Variants in ELMO1 observed in about 807,000 individuals in gnomAD.
ELMO1 encodes engulfment and cell motility protein 1.
In ELMO1, 26 loss-of-function variants were observed where a neutral mutation model predicts 98.9. The observed-to-expected ratio is 0.26, with a 90% CI of 0.19 to 0.36. ELMO1 has a LOEUF of 0.36. ELMO1 is among the 10% of genes least tolerant of loss of function. The pLI is 1.00. For missense variants in ELMO1, 627 were observed against 935.2 expected (o/e 0.67, Z 4.30); for synonymous variants, 346 against 346.0 (o/e 1.00, Z 0.00).
chr7:37,080,992 GCATTTTTCTC>G (rs888300077), intron 15 of ELMO1, among the ~76,000 whole-genome samples: 1 of 152,006 alleles, frequency 6.6e-6, no homozygotes, highest in Non-Finnish European at 1.5e-5. Context: ...CTTTTCTGCT[GCATTTTTCTC>G]CATTTTTCAC....
chr7:37,289,509 G>C (rs915386924), intron 4 of ELMO1, among the ~76,000 whole-genome samples: 1 of 152,194 alleles, frequency 6.6e-6, no homozygotes, highest in Non-Finnish European at 1.5e-5. Flanking sequence ...CTGAAGCAAA[G>C]TTACAAACAG....
At chr7:36,930,115 T>C (rs1785916676) in intron 16 of ELMO1, among the ~76,000 whole-genome samples, 1 of 152,182 alleles carries the variant, frequency 6.6e-6, no homozygotes, top group South Asian at 2.1e-4. Context: ...TCATTGCCTA[T>C]ATAAAATGCA....
At chr7:36,876,768 C>T (rs1804019332) in intron 19 of ELMO1, among the ~76,000 whole-genome samples, 1 of 152,156 alleles carries the variant, frequency 6.6e-6, no homozygotes, top group Non-Finnish European at 1.5e-5. Flanking sequence ...CCAGGACACC[C>T]CTAACTCCTG....
chr7:37,285,206 C>T (rs1431399259), intron 4 of ELMO1, among the ~76,000 whole-genome samples: 2 of 152,338 alleles, frequency 1.3e-5, no homozygotes, highest in Admixed American at 1.3e-4. Context: ...CGCTCTTGGT[C>T]TTTAGTTCCT....
intron 15 of ELMO1, among the ~76,000 whole-genome samples, chr7:37,061,941 G>A (rs1796688263): frequency 6.6e-6 from 1 of 152,090 alleles, no homozygotes; most frequent in African/African-American, 2.4e-5. Flanking sequence ...CACACTGAAA[G>A]GCAACTCGTG....
At chr7:37,006,071 C>T (rs1203755705) in intron 16 of ELMO1, among the ~76,000 whole-genome samples, 1 of 152,168 alleles carries the variant, frequency 6.6e-6, no homozygotes, top group Non-Finnish European at 1.5e-5. Context: ...ATGTACTGTC[C>T]CCAGCCCCCT....
intron 13 of ELMO1, among the ~76,000 whole-genome samples, chr7:37,157,656 AG>A (rs1446613323): frequency 6.6e-6 from 1 of 152,176 alleles, no homozygotes; most frequent in Non-Finnish European, 1.5e-5. Flanking sequence ...ACAAAATAAA[AG>A]AGGACAGAAA....
chr7:37,058,813 T>C (rs963589246), intron 15 of ELMO1, among the ~76,000 whole-genome samples: 3 of 152,154 alleles, frequency 2.0e-5, no homozygotes, highest in Admixed American at 1.3e-4. Flanking sequence ...TCCTCAAAGA[T>C]TGTGAAATGT....
At chr7:37,086,741 T>TC (rs1783802947) in intron 15 of ELMO1, among the ~76,000 whole-genome samples, 1 of 66,826 alleles carries the variant, frequency 1.5e-5, no homozygotes, top group Non-Finnish European at 2.4e-5. Context: ...AGATCCTGTC[T>TC]CCAAAAAAAA....
chr7:37,073,828 G>A (rs7805102), intron 15 of ELMO1, among the ~76,000 whole-genome samples: 11,812 of 151,362 alleles, frequency 0.078, 655 homozygotes, highest in African/African-American at 0.16. Context: ...GAGACCCTCC[G>A]GCTTTGGCCT....
At chr7:37,030,009 A>T (rs1375437936) in intron 15 of ELMO1, among the ~76,000 whole-genome samples, 4 of 152,184 alleles carry the variant, frequency 2.6e-5, no homozygotes, top group Admixed American at 2.0e-4. Flanking sequence ...TCAGGTGGCT[A>T]TAATCCAATC....
chr7:36,861,088 T>C (rs1802593265), intron 21 of ELMO1, among the ~76,000 whole-genome samples: 1 of 152,238 alleles, frequency 6.6e-6, no homozygotes, highest in South Asian at 2.1e-4. Context: ...ACTGCTACTT[T>C]ATCTTACAAA....
intron 16 of ELMO1, among the ~76,000 whole-genome samples, chr7:36,958,205 C>T (rs1395310158): frequency 6.6e-6 from 1 of 152,012 alleles, no homozygotes; most frequent in Non-Finnish European, 1.5e-5. Flanking sequence ...TCCCCAGTAC[C>T]TCTTCTCTCT....
intron 16 of ELMO1, among the ~76,000 whole-genome samples, chr7:36,900,736 A>C (rs1226919266): frequency 6.6e-6 from 1 of 152,170 alleles, no homozygotes; most frequent in Admixed American, 6.5e-5. Context: ...GTGTCCATTA[A>C]ATTGATTTAT....
intron 1 of ELMO1, among the ~76,000 whole-genome samples, chr7:37,358,995 G>A (rs1328319774): frequency 6.6e-6 from 1 of 152,166 alleles, no homozygotes; most frequent in Non-Finnish European, 1.5e-5. Flanking sequence ...GGGAGAAGCT[G>A]GAGTCATTGA....
At chr7:36,881,380 C>T (rs3778710) in intron 18 of ELMO1, among the ~76,000 whole-genome samples, 8,440 of 152,188 alleles carry the variant, frequency 0.055, 476 homozygotes, top group East Asian at 0.24. Flanking sequence ...GTTTCTTTTA[C>T]GGCAAGACAA....
intron 13 of ELMO1, among the ~76,000 whole-genome samples, chr7:37,137,599 G>T (rs563997176): frequency 1.1e-3 from 164 of 151,916 alleles, no homozygotes; most frequent in African/African-American, 3.9e-3. Flanking sequence ...ATACAGTGGT[G>T]CAATCTCGCT....
chr7:37,132,903 T>C (rs956873518), intron 14 of ELMO1: 1 of 344,138 alleles, frequency 2.9e-6, no homozygotes, highest in African/African-American at 2.1e-5. Context: ...TCCTAGTATC[T>C]ACCGTATTTT....
chr7:37,009,824 ACAGT>A (rs1270424606), intron 16 of ELMO1, among the ~76,000 whole-genome samples: 5 of 152,248 alleles, frequency 3.3e-5, no homozygotes, highest in East Asian at 1.9e-4. Context: ...TTGAATTTGG[ACAGT>A]CAGAGAATAA....
Sources: gnomAD v4.1 joint callset for allele counts (sites outside exome capture counted in the v4.1 genomes callset) on GRCh38, gnomAD v4.1.1 for gene constraint, MANE v1.5 for transcripts, NCBI Gene and HGNC (gene_info 2026-07-23, HGNC 2026-07-21) for gene names.